Variants in PDZRN3 observed in about 807,000 individuals in gnomAD.
PDZRN3 encodes PDZ domain containing ring finger 3.
In PDZRN3, 38 loss-of-function variants were observed where a neutral mutation model predicts 85.7. The observed-to-expected ratio is 0.44, with a 90% CI of 0.34 to 0.58. PDZRN3 has a LOEUF of 0.58. Ranked by LOEUF, PDZRN3 falls within the 20% of genes least tolerant of loss-of-function variation. The pLI, the probability that PDZRN3 is intolerant of heterozygous loss-of-function variation, is 0.01. For synonymous variants in PDZRN3, 759 were observed against 638.0 expected, an observed-to-expected ratio of 1.19 and a Z score of -2.86; for missense variants, 1,629 against 1,506.4, an observed-to-expected ratio of 1.08 and a Z score of -1.35.
At chr3:73,529,261 G>A (rs1204615956) in intron 3 of PDZRN3, among the ~76,000 whole-genome samples, 1 of 152,190 alleles carries the variant, frequency 6.6e-6, no homozygotes, top group Non-Finnish European at 1.5e-5. Flanking sequence ...TAGCTGTGGG[G>A]AAAGAGACCG....
chr3:73,395,617 A>C (rs1206841335), intron 5 of PDZRN3, among the ~76,000 whole-genome samples: 1 of 152,234 alleles, frequency 6.6e-6, no homozygotes, highest in Admixed American at 6.5e-5. Flanking sequence ...CTCCAGGAAG[A>C]CTGGCCACTA....
intron 8 of PDZRN3, 64 bp from the exon 9 acceptor site, chr3:73,385,849 T>C: frequency 1.0e-6 from 1 of 962,512 alleles, no homozygotes; most frequent in East Asian, 2.4e-5. Context: ...TATGTTTTTT[T>C]AAAAATGACA....
At chr3:73,462,445 C>T (rs1030031841) in intron 3 of PDZRN3, among the ~76,000 whole-genome samples, 3 of 147,904 alleles carry the variant, frequency 2.0e-5, no homozygotes, top group African/African-American at 7.5e-5. Flanking sequence ...CTTGGGAGCC[C>T]GAAGCAGGAG....
At chr3:73,499,926 A>G (rs1305789837) in intron 3 of PDZRN3, among the ~76,000 whole-genome samples, 1 of 152,058 alleles carries the variant, frequency 6.6e-6, no homozygotes, top group Non-Finnish European at 1.5e-5. Context: ...AGCTGGCCAC[A>G]CAGAAAGCCT....
At chr3:73,429,984 A>G (rs1387775575) in intron 3 of PDZRN3, among the ~76,000 whole-genome samples, 1 of 152,228 alleles carries the variant, frequency 6.6e-6, no homozygotes, top group East Asian at 1.9e-4. Context: ...CACAAAGGCA[A>G]GCATGATTTT....
intron 3 of PDZRN3, among the ~76,000 whole-genome samples, chr3:73,539,957 G>A (rs1704876064): frequency 6.6e-6 from 1 of 152,024 alleles, no homozygotes; most frequent in African/African-American, 2.4e-5. Flanking sequence ...GAAAAAATAT[G>A]TTAAAGTACT....
chr3:73,534,070 C>T (rs1392639120), intron 3 of PDZRN3, among the ~76,000 whole-genome samples: 2 of 152,154 alleles, frequency 1.3e-5, no homozygotes, highest in Non-Finnish European at 2.9e-5. Flanking sequence ...AGGACTGGAC[C>T]TTTGATTCTT....
intron 3 of PDZRN3, among the ~76,000 whole-genome samples, chr3:73,416,756 G>T (rs1702089587): frequency 6.6e-6 from 1 of 151,566 alleles, no homozygotes; most frequent in African/African-American, 2.4e-5. Flanking sequence ...CTACCCACTT[G>T]CTCTTAAAAC....
intron 3 of PDZRN3, among the ~76,000 whole-genome samples, chr3:73,484,134 G>A (rs901025669): frequency 8.5e-5 from 13 of 152,140 alleles, no homozygotes; most frequent in Non-Finnish European, 1.5e-4. Flanking sequence ...GTTAGAACTG[G>A]AAGGAATTGA....
At chr3:73,608,208 C>T (rs541492827) in intron 2 of PDZRN3, among the ~76,000 whole-genome samples, 5 of 152,284 alleles carry the variant, frequency 3.3e-5, no homozygotes, top group Admixed American at 6.5e-5. Context: ...GAGCAGAACT[C>T]AAGATCAGGC....
intron 3 of PDZRN3, among the ~76,000 whole-genome samples, chr3:73,505,809 T>C (rs1704060023): frequency 6.6e-6 from 1 of 151,898 alleles, no homozygotes; most frequent in Admixed American, 6.6e-5. Context: ...TGAGGAAAAA[T>C]AAGCTCTATT....
chr3:73,391,257 A>C, intron 5 of PDZRN3, 141 bp from the exon 6 acceptor site: 1 of 592,120 alleles, frequency 1.7e-6, no homozygotes, highest in Non-Finnish European at 3.0e-6. Flanking sequence ...TAACTTACTA[A>C]ACAAAAAGTG....
At chr3:73,440,017 C>A (rs185737183) in intron 3 of PDZRN3, among the ~76,000 whole-genome samples, 162 of 152,172 alleles carry the variant, frequency 1.1e-3, no homozygotes, top group Non-Finnish European at 1.9e-3. Flanking sequence ...ACATTACAGG[C>A]ATGAGCCACC....
intron 3 of PDZRN3, among the ~76,000 whole-genome samples, chr3:73,540,087 G>GA (rs1168662549): frequency 0.022 from 1,100 of 49,956 alleles, 42 homozygotes; most frequent in African/African-American, 0.043. Context: ...ACTGTTGGAT[G>GA]AAAAAAAAAA....
chr3:73,535,642 G>A (rs1704765584), intron 3 of PDZRN3, among the ~76,000 whole-genome samples: 1 of 152,192 alleles, frequency 6.6e-6, no homozygotes, highest in African/African-American at 2.4e-5. Context: ...CAGTTCACAT[G>A]GACTGACTAC....
At chr3:73,523,903 C>T (rs898282967) in intron 3 of PDZRN3, among the ~76,000 whole-genome samples, 20 of 152,288 alleles carry the variant, frequency 1.3e-4, no homozygotes, top group South Asian at 1.2e-3. Flanking sequence ...AAGTAGAGAA[C>T]GCATTCACTG....
At chr3:73,562,704 C>T (rs1052368322) in intron 3 of PDZRN3, among the ~76,000 whole-genome samples, 2 of 151,868 alleles carry the variant, frequency 1.3e-5, no homozygotes, top group South Asian at 4.2e-4. Context: ...CATCAAAGCC[C>T]GAATAGAGAG....
intron 3 of PDZRN3, among the ~76,000 whole-genome samples, chr3:73,488,710 G>A (rs1703712110): frequency 6.6e-6 from 1 of 152,178 alleles, no homozygotes; most frequent in South Asian, 2.1e-4. Context: ...GGCTGGCTTC[G>A]TGCACTTAGG....
intron 5 of PDZRN3, among the ~76,000 whole-genome samples, chr3:73,396,491 G>A (rs535552811): frequency 6.6e-6 from 1 of 152,302 alleles, no homozygotes. Flanking sequence ...TCCTTGTCCT[G>A]TGCCTCAAAG....
Sources: allele counts gnomAD v4.1 joint callset (sites outside exome capture counted in the v4.1 genomes callset), GRCh38; gene constraint gnomAD v4.1.1; transcripts MANE v1.5; gene names NCBI Gene and HGNC (gene_info 2026-07-23, HGNC 2026-07-21).